The following SLC4A10 variants were observed in gnomAD, a reference collection of about 807,000 sequenced individuals.
SLC4A10 encodes the protein sodium-driven chloride bicarbonate exchanger.
In SLC4A10, 42 loss-of-function variants were observed where a neutral mutation model predicts 137.7. The observed-to-expected ratio is 0.30, with a 90% CI of 0.24 to 0.39. SLC4A10 has a LOEUF of 0.39. Among genes scored for constraint, SLC4A10 ranks in the 10% least tolerant of loss-of-function variants. The pLI is 1.00. For synonymous variants in SLC4A10, 474 were observed against 464.1 expected, an observed-to-expected ratio of 1.02 and a Z score of -0.27; for missense variants, 925 against 1,355.0, an observed-to-expected ratio of 0.68 and a Z score of 4.98.
intron 3 of SLC4A10, among the ~76,000 whole-genome samples, chr2:161,816,652 C>T (rs2057096942): frequency 7.3e-6 from 1 of 136,574 alleles, no homozygotes; most frequent in Non-Finnish European, 1.6e-5. Context: ...ACAACAGTCC[C>T]CAGTGTGTGA....
At chr2:161,630,832 A>G (rs745608444) in intron 1 of SLC4A10, among the ~76,000 whole-genome samples, 28 of 151,798 alleles carry the variant, frequency 1.8e-4, no homozygotes, top group Non-Finnish European at 3.5e-4. Flanking sequence ...ACTGAGGTCC[A>G]GAGATTTGTA....
At chr2:161,834,700 C>CACAA (rs1204654973) in intron 3 of SLC4A10, among the ~76,000 whole-genome samples, 44 of 149,322 alleles carry the variant, frequency 2.9e-4, no homozygotes, top group African/African-American at 1.1e-3. Context: ...CACACACACA[C>CACAA]AAAACCTATT....
chr2:161,953,468 C>T (rs1003742727), intron 19 of SLC4A10, among the ~76,000 whole-genome samples: 3 of 152,090 alleles, frequency 2.0e-5, no homozygotes, highest in Non-Finnish European at 4.4e-5. Context: ...ATTAGCTGGG[C>T]GTAGTGGCGG....
intron 3 of SLC4A10, among the ~76,000 whole-genome samples, chr2:161,829,795 TGAG>T (rs2058308588): frequency 6.6e-6 from 1 of 152,164 alleles, no homozygotes; most frequent in African/African-American, 2.4e-5. Context: ...TCCATATGGC[TGAG>T]GAGGCCTCAC....
chr2:161,909,167 G>A (rs1289419475), intron 15 of SLC4A10, among the ~76,000 whole-genome samples: 1 of 151,126 alleles, frequency 6.6e-6, no homozygotes, highest in Non-Finnish European at 1.5e-5. Flanking sequence ...CACCAACATG[G>A]CACATGTATA....
intron 15 of SLC4A10, among the ~76,000 whole-genome samples, chr2:161,914,993 G>A (rs561129152): frequency 2.6e-5 from 4 of 152,118 alleles, no homozygotes; most frequent in South Asian, 2.1e-4. Context: ...GTTCTCTTCC[G>A]ATTGGTTCTT....
intron 4 of SLC4A10, among the ~76,000 whole-genome samples, chr2:161,847,286 T>TACACAC (rs144144995): frequency 6.8e-6 from 1 of 147,914 alleles, no homozygotes; most frequent in Non-Finnish European, 1.5e-5. Context: ...CACACACACA[T>TACACAC]ACACACACAC....
At chr2:161,689,706 A>G (rs779839715) in intron 1 of SLC4A10, among the ~76,000 whole-genome samples, 3 of 152,172 alleles carry the variant, frequency 2.0e-5, no homozygotes, top group African/African-American at 7.2e-5. Context: ...TCCAGATGTT[A>G]TATTTTCTAT....
At chr2:161,838,109 C>G (rs947972111) in intron 3 of SLC4A10, among the ~76,000 whole-genome samples, 2 of 152,050 alleles carry the variant, frequency 1.3e-5, no homozygotes, top group Non-Finnish European at 2.9e-5. Flanking sequence ...GAAATATAGG[C>G]CTAGATCAAT....
chr2:161,887,168 C>T (rs545781407), intron 10 of SLC4A10, among the ~76,000 whole-genome samples: 1 of 152,292 alleles, frequency 6.6e-6, no homozygotes, highest in South Asian at 2.1e-4. Flanking sequence ...ATATGTGCCA[C>T]ATTTTCTTTA....
At chr2:161,747,095 C>T (rs1368703343) in intron 1 of SLC4A10, among the ~76,000 whole-genome samples, 1 of 152,096 alleles carries the variant, frequency 6.6e-6, no homozygotes, top group African/African-American at 2.4e-5. Flanking sequence ...CACCCCAAAC[C>T]TACTGGCTCT....
intron 3 of SLC4A10, among the ~76,000 whole-genome samples, chr2:161,825,155 T>C (rs916524045): frequency 3.3e-5 from 5 of 152,186 alleles, no homozygotes; most frequent in African/African-American, 1.2e-4. Flanking sequence ...CAGTAGGCTA[T>C]TAGTAGTTAA....
intron 4 of SLC4A10, 77 bp downstream of exon 4, chr2:161,840,004 A>G (rs1485651842): frequency 1.3e-6 from 2 of 1,567,984 alleles, no homozygotes; most frequent in African/African-American, 2.7e-5. Context: ...CTAATGCAAC[A>G]ATTTTGCAAA....
chr2:161,644,455 G>A (rs867451483), intron 1 of SLC4A10, among the ~76,000 whole-genome samples: 2 of 150,794 alleles, frequency 1.3e-5, no homozygotes, highest in African/African-American at 2.4e-5. Context: ...CTGCACTCCA[G>A]CTTGGGCAAC....
chr2:161,875,416 T>C (rs11683174), intron 8 of SLC4A10, among the ~76,000 whole-genome samples: 49,468 of 152,016 alleles, frequency 0.33, 8,370 homozygotes, highest in Admixed American at 0.4. Context: ...AAAAAGGTCT[T>C]TATTCATCTT....
intron 1 of SLC4A10, among the ~76,000 whole-genome samples, chr2:161,657,834 T>C (rs966323972): frequency 2.0e-5 from 3 of 152,092 alleles, no homozygotes; most frequent in African/African-American, 7.2e-5. Context: ...GTAGAAAATA[T>C]GGATGAATGA....
chr2:161,965,874 A>G (rs1013145606), intron 23 of SLC4A10, among the ~76,000 whole-genome samples: 4 of 152,188 alleles, frequency 2.6e-5, no homozygotes, highest in Non-Finnish European at 4.4e-5. Flanking sequence ...TAAAAACTAC[A>G]AAGAGTGTAA....
intron 23 of SLC4A10, among the ~76,000 whole-genome samples, chr2:161,965,468 G>A (rs1697422345): frequency 6.6e-6 from 1 of 152,088 alleles, no homozygotes; most frequent in East Asian, 1.9e-4. Context: ...CCTATGGATG[G>A]CAGAAACTTG....
At chr2:161,638,525 T>C (rs1002433774) in intron 1 of SLC4A10, among the ~76,000 whole-genome samples, 2 of 152,134 alleles carry the variant, frequency 1.3e-5, no homozygotes, top group African/African-American at 4.8e-5. Flanking sequence ...TTGGTTACTA[T>C]TGTTTTGCAG....
Sources: gnomAD v4.1 joint callset for allele counts (sites outside exome capture counted in the v4.1 genomes callset) on GRCh38, gnomAD v4.1.1 for gene constraint, MANE v1.5 for transcripts, NCBI Gene and HGNC (gene_info 2026-07-23, HGNC 2026-07-21) for gene names.